CNBD1: variants seen among roughly 807,000 people sequenced by gnomAD.
The protein encoded by CNBD1 is cyclic nucleotide-binding domain-containing protein 1.
A neutral mutation model predicts 54.4 loss-of-function variants in CNBD1; 71 were observed. That is an observed-to-expected ratio of 1.30 (90% CI 1.08 to 1.59). The LOEUF (loss-of-function observed/expected upper bound fraction) is 1.59, where lower values mean the gene tolerates loss of function less well. Among genes scored for constraint, CNBD1 ranks in the 40% most tolerant of loss-of-function variants. CNBD1 has a pLI of 0.00. For synonymous variants in CNBD1, 182 were observed against 170.7 expected (o/e 1.07, Z -0.51); for missense variants, 659 against 518.0 (o/e 1.27, Z -2.64).
chr8:86,984,636 G>A (rs1352449927), intron 4 of CNBD1, among the ~76,000 whole-genome samples: 2 of 152,192 alleles, frequency 1.3e-5, no homozygotes, highest in Non-Finnish European at 2.9e-5. Context: ...GGAGTCAAAG[G>A]AGATCATTTT....
intron 8 of CNBD1, among the ~76,000 whole-genome samples, chr8:87,298,588 C>G (rs10086937): frequency 0.38 from 57,533 of 150,840 alleles, 11,218 homozygotes; most frequent in Middle Eastern, 0.46. Flanking sequence ...GGGTTCAAGT[C>G]ATTATCCTGC....
At chr8:87,420,835 G>T (rs1202455492) in intron 2 of CNBD1, among the ~76,000 whole-genome samples, 1 of 150,650 alleles carries the variant, frequency 6.6e-6, no homozygotes, top group East Asian at 1.9e-4. Context: ...TTAATTCATG[G>T]TCATATATCT....
At chr8:87,283,330 AT>A (rs1231327147) in intron 6 of CNBD1, among the ~76,000 whole-genome samples, 1 of 151,492 alleles carries the variant, frequency 6.6e-6, no homozygotes, top group East Asian at 1.9e-4. Flanking sequence ...AGGTTGTTCA[AT>A]TTTTTTCTCC....
intron 8 of CNBD1, among the ~76,000 whole-genome samples, chr8:87,315,352 C>G (rs991988447): frequency 6.6e-6 from 1 of 151,884 alleles, no homozygotes; most frequent in Non-Finnish European, 1.5e-5. Context: ...AAAAGGAATA[C>G]TTGAAGCTAG....
At chr8:87,093,788 T>C (rs1472539411) in intron 4 of CNBD1, among the ~76,000 whole-genome samples, 3 of 152,152 alleles carry the variant, frequency 2.0e-5, no homozygotes, top group South Asian at 2.1e-4. Flanking sequence ...CCCATACTTA[T>C]ATATAAGAAA....
chr8:87,321,762 T>G (rs1211921421), intron 8 of CNBD1, among the ~76,000 whole-genome samples: 1 of 151,866 alleles, frequency 6.6e-6, no homozygotes, highest in Non-Finnish European at 1.5e-5. Flanking sequence ...AAGAAATCAT[T>G]GCCAAGACCA....
At chr8:87,126,027 G>A (rs1458971469) in intron 4 of CNBD1, among the ~76,000 whole-genome samples, 1 of 151,722 alleles carries the variant, frequency 6.6e-6, no homozygotes, top group Non-Finnish European at 1.5e-5. Flanking sequence ...TTATTTCTGA[G>A]TAATATTCTA....
chr8:86,897,399 C>G (rs1393107344), intron 2 of CNBD1, among the ~76,000 whole-genome samples: 5 of 152,124 alleles, frequency 3.3e-5, no homozygotes, highest in Non-Finnish European at 2.9e-5. Context: ...GGCTACTACC[C>G]TAAGACGGGG....
At chr8:87,084,237 T>G (rs1318260308) in intron 4 of CNBD1, among the ~76,000 whole-genome samples, 1 of 152,218 alleles carries the variant, frequency 6.6e-6, no homozygotes, top group Non-Finnish European at 1.5e-5. Context: ...TTTAAAAAGT[T>G]TTAAAATCTG....
downstream of CNBD1, among the ~76,000 whole-genome samples, chr8:87,383,588 T>G (rs1262115556): frequency 6.6e-6 from 1 of 152,166 alleles, no homozygotes. Flanking sequence ...ATTTCAGTTA[T>G]TTTTAATTCT....
At chr8:87,412,748 C>G (rs537081212) in intron 2 of CNBD1, among the ~76,000 whole-genome samples, 1 of 151,840 alleles carries the variant, frequency 6.6e-6, no homozygotes. Flanking sequence ...TGTACTTTTC[C>G]GAAGAAGATT....
intron 4 of CNBD1, among the ~76,000 whole-genome samples, chr8:87,092,754 C>CTATA (rs145516291): frequency 6.6e-6 from 1 of 152,028 alleles, no homozygotes; most frequent in African/African-American, 2.4e-5. Context: ...AGATAAGAAT[C>CTATA]TATATGTCAT....
chr8:86,947,251 C>T (rs1807490880), intron 4 of CNBD1, among the ~76,000 whole-genome samples: 1 of 152,042 alleles, frequency 6.6e-6, no homozygotes. Context: ...GTTTAATATT[C>T]AAAGGTGATA....
intron 4 of CNBD1, among the ~76,000 whole-genome samples, chr8:87,073,447 G>T (rs1810800942): frequency 6.6e-6 from 1 of 151,794 alleles, no homozygotes; most frequent in South Asian, 2.1e-4. Flanking sequence ...ATCCACTTTT[G>T]ATCTTTGAGG....
intron 4 of CNBD1, among the ~76,000 whole-genome samples, chr8:87,037,097 T>A (rs1181766349): frequency 1.3e-5 from 2 of 152,220 alleles, no homozygotes; most frequent in African/African-American, 2.4e-5. Context: ...CACATTTAAT[T>A]ATTAGCTTGG....
At chr8:87,276,887 C>A (rs1346277783) in intron 6 of CNBD1, among the ~76,000 whole-genome samples, 14 of 151,462 alleles carry the variant, frequency 9.2e-5, no homozygotes, top group African/African-American at 3.4e-4. Context: ...GCCAGAGCAC[C>A]ATGAATCTGA....
At chr8:87,198,986 G>C (rs1434964957) in intron 4 of CNBD1, among the ~76,000 whole-genome samples, 1 of 152,210 alleles carries the variant, frequency 6.6e-6, no homozygotes, top group Non-Finnish European at 1.5e-5. Flanking sequence ...GCATGTCACA[G>C]GGTGAAAGCA....
At chr8:87,053,884 C>T (rs955804718) in intron 4 of CNBD1, among the ~76,000 whole-genome samples, 39 of 152,180 alleles carry the variant, frequency 2.6e-4, no homozygotes, top group Non-Finnish European at 1.0e-4. Flanking sequence ...ACAATGGGTC[C>T]GATTGGCTTC....
chr8:87,152,580 C>T (rs1199167730), intron 4 of CNBD1, among the ~76,000 whole-genome samples: 1 of 151,992 alleles, frequency 6.6e-6, no homozygotes, highest in Non-Finnish European at 1.5e-5. Flanking sequence ...ATCGAACCAA[C>T]CTTATATTCC....
Sources: allele counts gnomAD v4.1 joint callset (sites outside exome capture counted in the v4.1 genomes callset), GRCh38; gene constraint gnomAD v4.1.1; transcripts MANE v1.5; gene names NCBI Gene and HGNC (gene_info 2026-07-23, HGNC 2026-07-21).